The following PPM1L variants were observed in gnomAD, a reference collection of about 807,000 sequenced individuals.
The protein encoded by PPM1L is protein phosphatase, Mg2+/Mn2+ dependent 1L.
A neutral mutation model predicts 31.4 loss-of-function variants in PPM1L; 13 were observed. That is an observed-to-expected ratio of 0.41 (90% confidence interval 0.27 to 0.66). PPM1L has a LOEUF of 0.66. Among genes scored for constraint, PPM1L ranks in the 30% least tolerant of loss-of-function variants. The probability of loss-of-function intolerance (pLI) is 0.29; values close to 1 mark genes in which losing one functional copy is unlikely to be tolerated. For synonymous variants in PPM1L, 184 were observed against 175.4 expected (o/e 1.05, Z -0.39); for missense variants, 326 against 453.7 (o/e 0.72, Z 2.56).
At chr3:160,866,788 T>A (rs904520923) in intron 1 of PPM1L, among the ~76,000 whole-genome samples, 1 of 152,244 alleles carries the variant, frequency 6.6e-6, no homozygotes, top group Admixed American at 6.5e-5. Context: ...CTCTTTGTAA[T>A]TCATAATCTC....
intron 1 of PPM1L, among the ~76,000 whole-genome samples, chr3:160,885,916 C>T (rs1712901792): frequency 6.6e-6 from 1 of 152,218 alleles, no homozygotes; most frequent in Non-Finnish European, 1.5e-5. Context: ...GGGCAGCAGC[C>T]AGCACTGGGA....
At chr3:160,845,254 C>T (rs748809737) in intron 1 of PPM1L, among the ~76,000 whole-genome samples, 9 of 151,928 alleles carry the variant, frequency 5.9e-5, no homozygotes, top group Non-Finnish European at 1.2e-4. Context: ...CTTATATATC[C>T]AATATGTACA....
At chr3:160,797,354 AC>A (rs1463555940) in intron 1 of PPM1L, among the ~76,000 whole-genome samples, 1 of 152,078 alleles carries the variant, frequency 6.6e-6, no homozygotes, top group East Asian at 1.9e-4. Context: ...TACTCCATTG[AC>A]CCACCATTCT....
intron 1 of PPM1L, among the ~76,000 whole-genome samples, chr3:160,893,097 A>C (rs1354631795): frequency 6.6e-6 from 1 of 152,214 alleles, no homozygotes; most frequent in African/African-American, 2.4e-5. Context: ...TAAGAAGGCC[A>C]TTTGCAGTAA....
At chr3:160,836,354 GAGAC>G (rs919895197) in intron 1 of PPM1L, among the ~76,000 whole-genome samples, 5 of 152,300 alleles carry the variant, frequency 3.3e-5, no homozygotes, top group African/African-American at 1.2e-4. Flanking sequence ...AAGAGAGAGA[GAGAC>G]AGACAGGTTA....
At chr3:160,978,167 G>A (rs1278880522) in intron 2 of PPM1L, among the ~76,000 whole-genome samples, 1 of 152,206 alleles carries the variant, frequency 6.6e-6, no homozygotes, top group Non-Finnish European at 1.5e-5. Flanking sequence ...GGTAGCTTGT[G>A]AATAGCATCC....
At position 161,069,391 on chromosome 3, in the gene PPM1L, GTCCA is replaced by G. The variant is rs1719842374; in HGVS notation, c.*235_*238del. On this transcript the variant is annotated 3_prime_UTR_variant, in exon 4 of 4. Coordinates refer to ENST00000498165, the MANE Select transcript of PPM1L (RefSeq NM_139245.4). ...TGTTTTCCCAACTCTTTCATCCAGT[GTCCA>G]AAATATATAAGTAAATAGCTGTAGA... is the stretch of plus-strand genomic sequence containing the variant. 69 of 538,092 alleles carry G rather than the reference GTCCA, an allele frequency of 1.3e-4. No individual in the cohort carries two copies. The East Asian group carries it at 2.1e-3, about 16-fold the overall frequency. The allele number at this position is 538,092 out of a possible 1,614,324, so 33.3% of individuals were successfully genotyped here.
intron 1 of PPM1L, among the ~76,000 whole-genome samples, chr3:160,782,069 A>G (rs749271068): frequency 1.3e-5 from 2 of 152,170 alleles, no homozygotes; most frequent in Non-Finnish European, 2.9e-5. Context: ...TATAGTTATA[A>G]GGCTTTATAG....
chr3:160,761,943 A>G (rs528474626), intron 1 of PPM1L, among the ~76,000 whole-genome samples: 45 of 152,270 alleles, frequency 3.0e-4, no homozygotes, highest in Non-Finnish European at 6.0e-4. Flanking sequence ...GTTTCAAATT[A>G]CCTCTCACTG....
intron 1 of PPM1L, among the ~76,000 whole-genome samples, chr3:160,795,985 C>G (rs1576641259): frequency 6.6e-6 from 1 of 152,172 alleles, no homozygotes; most frequent in East Asian, 1.9e-4. Context: ...AGGGAAATCC[C>G]TTAACTGATT....
At chr3:160,817,289 A>T (rs1319026627) in intron 1 of PPM1L, among the ~76,000 whole-genome samples, 1 of 152,092 alleles carries the variant, frequency 6.6e-6, no homozygotes, top group Non-Finnish European at 1.5e-5. Context: ...TAAGTGAATG[A>T]CATAATAAAT....
In PPM1L at chr3:160,793,134, C is replaced by T. The variant is rs190557033; in HGVS notation, c.399+36427C>T. Among the ~76,000 whole-genome samples the T allele has an allele frequency of 9.5e-4, 145 of 152,274 alleles. 1 individual carries two copies. The highest frequency in any genetic ancestry group is 8.7e-3 in the Admixed American group (133 of 15,292). ...CAGGTTTCTCACCTGTGAGATTACC[C>T]TCGCCCACCTCTTTTTCATACCTCA... is the stretch of plus-strand genomic sequence containing the variant. On this transcript the variant is annotated intron_variant, in intron 1 of 3. Coordinates refer to ENST00000498165, the MANE Select transcript of PPM1L (RefSeq NM_139245.4).
chr3:160,889,379 C>T (rs1713050536), intron 1 of PPM1L, among the ~76,000 whole-genome samples: 1 of 152,154 alleles, frequency 6.6e-6, no homozygotes, highest in Non-Finnish European at 1.5e-5. Context: ...CACCTCTACA[C>T]AAATAAACTA....
chr3:161,004,971 G>T (rs1196064621), intron 2 of PPM1L, among the ~76,000 whole-genome samples: 1 of 152,010 alleles, frequency 6.6e-6, no homozygotes, highest in African/African-American at 2.4e-5. Flanking sequence ...TTCTGTTGTG[G>T]GCATTTAGTG....
chr3:160,945,757 C>A (rs1183704108), intron 1 of PPM1L, among the ~76,000 whole-genome samples: 1 of 152,100 alleles, frequency 6.6e-6, no homozygotes, highest in Admixed American at 6.6e-5. Context: ...GACAGCAAGA[C>A]CAACTCCTCC....
chr3:160,902,675 C>T (rs976538724), intron 1 of PPM1L, among the ~76,000 whole-genome samples: 3 of 152,134 alleles, frequency 2.0e-5, no homozygotes, highest in African/African-American at 7.2e-5. Flanking sequence ...TTTCTGGACC[C>T]ACTTCCCATT....
intron 1 of PPM1L, among the ~76,000 whole-genome samples, chr3:160,858,646 A>T (rs951886467): frequency 9.2e-5 from 14 of 152,218 alleles, no homozygotes; most frequent in African/African-American, 3.1e-4. Context: ...TATTAGTTAT[A>T]TTTTGAGTAA....
At chr3:160,908,889 T>C (rs1163478375) in intron 1 of PPM1L, among the ~76,000 whole-genome samples, 2 of 152,024 alleles carry the variant, frequency 1.3e-5, no homozygotes. Flanking sequence ...GAGAATTCAT[T>C]TTGGGCTTAG....
rs1241684649 is a variant in PPM1L at position 160,974,267 on chromosome 3, A to G, written c.574+12357A>G. On this transcript the variant is annotated intron_variant, in intron 2 of 3. Coordinates refer to ENST00000498165, the MANE Select transcript of PPM1L (RefSeq NM_139245.4). ...GTGCCACATTTTCTTAATCCAGTCT[A>G]TCATTGTTGGACATTTGGGTTGGTT... Among the ~76,000 whole-genome samples the G allele has an allele frequency of 2.6e-5, 4 of 151,168 alleles. No individual in the cohort carries two copies. In the East Asian group the frequency reaches 7.8e-4, roughly 29 times the overall value.
Sources: gnomAD v4.1 joint callset for allele counts (sites outside exome capture counted in the v4.1 genomes callset) on GRCh38, gnomAD v4.1.1 for gene constraint, MANE v1.5 for transcripts, NCBI Gene and HGNC (gene_info 2026-07-23, HGNC 2026-07-21) for gene names.